GAA: variants seen among roughly 807,000 people sequenced by gnomAD.
GAA encodes the protein lysosomal alpha-glucosidase.
GAA carries 88 observed loss-of-function variants against 103.9 expected under a neutral mutation model. The ratio of observed to expected loss-of-function variants is 0.85; its 90% confidence interval spans 0.71 to 1.01. GAA has a LOEUF of 1.01. GAA is among the 50% of genes least tolerant of loss of function. The pLI is 0.00. For missense variants in GAA, 1,350 were observed against 1,305.3 expected (o/e 1.03, Z -0.53); for synonymous variants, 572 against 563.1 (o/e 1.02, Z -0.22).
chr17:80,108,209 C>T (rs1034947613), intron 5 of GAA, 81 bp from the exon 6 acceptor site: 43 of 1,609,536 alleles, frequency 2.7e-5, no homozygotes, highest in Non-Finnish European at 3.5e-5. Flanking sequence ...AACTCTCCGC[C>T]TGTGATTGGC....
At position 80,108,496 on chromosome 17, in the gene GAA, G is replaced by A. The variant is rs781379047; in HGVS notation, c.1083G>A (p.Pro361=). The A allele has an allele frequency of 5.6e-5, 90 of 1,612,952 alleles. No homozygotes were observed. Among genetic ancestry groups the A allele is most frequent in the Middle Eastern group, 1.6e-4 (1 of 6,082 alleles). The part of the protein sequence containing the change: ...VQQYLDVVGY[P]FMPPYWGLGF... ...GTCGGCGTTGGCCTGCAGGATACCC[G>A]TTCATGCCGCCATACTGGGGCCTGG... Residue 361 remains proline, a synonymous_variant, in exon 7 of 20, where the codon CCG becomes CCA. Coordinates refer to ENST00000302262, the MANE Select transcript of GAA (RefSeq NM_000152.5).
chr17:80,116,101 C>T (rs1271199805), intron 15 of GAA, among the ~76,000 whole-genome samples: 1 of 152,168 alleles, frequency 6.6e-6, no homozygotes, highest in Non-Finnish European at 1.5e-5. Context: ...CTTACTCCAC[C>T]ATCTTCACTG....
chr17:80,111,207 G>C (rs1286122578), intron 11 of GAA, among the ~76,000 whole-genome samples, 182 bp downstream of exon 11: 2 of 152,230 alleles, frequency 1.3e-5, no homozygotes, highest in African/African-American at 4.8e-5. Context: ...CAGACAGGGT[G>C]GGTGCAGAGG....
intron 8 of GAA, 37 bp downstream of exon 8, chr17:80,108,865 G>A: frequency 6.4e-7 from 1 of 1,555,396 alleles, no homozygotes; most frequent in Non-Finnish European, 8.7e-7. Flanking sequence ...TGGGAAGGGG[G>A]CCGCCCGGTG....
intron 12 of GAA, chr17:80,112,370 T>C (rs1567834639): frequency 1.5e-6 from 1 of 667,856 alleles, no homozygotes; most frequent in African/African-American, 1.8e-5. Flanking sequence ...CCTGTGAGGC[T>C]GGGGGGGGTC....
chr17:80,103,728 C>T (rs547213860), intron 1 of GAA, among the ~76,000 whole-genome samples: 11 of 152,260 alleles, frequency 7.2e-5, no homozygotes, highest in Non-Finnish European at 1.3e-4. Context: ...CCCCATGTAC[C>T]TCGGGGGCCG....
intron 19 of GAA, 111 bp from the exon 20 acceptor site, chr17:80,119,161 G>T: frequency 9.1e-7 from 1 of 1,095,022 alleles, no homozygotes; most frequent in Admixed American, 1.7e-5. Context: ...CCTGAGCGCC[G>T]GGCCTCGCTG....
rs545834363 is a variant in GAA, at chr17:80,119,543, G to A, written c.*212G>A. On this transcript the variant is annotated 3_prime_UTR_variant, in exon 20 of 20. Coordinates refer to ENST00000302262, the MANE Select transcript of GAA (RefSeq NM_000152.5). ...TCTAGGAGAGCTTTCTCCCTAGATCGCACTGTGGGCCGGGGCCCTGGAGGG... is the reference window on the plus strand; with the variant it reads ...TCTAGGAGAGCTTTCTCCCTAGATCACACTGTGGGCCGGGGCCCTGGAGGG... 9.1e-5 allele frequency: 54 copies of A among 593,774 alleles called. No individual in the cohort carries two copies. In the East Asian group the frequency reaches 1.2e-3, roughly 13 times the overall value. The allele number at this position is 593,774 out of a possible 1,614,324, so 36.8% of individuals were successfully genotyped here.
At chr17:80,113,191 C>T (rs771132729) in intron 14 of GAA, 27 bp from the exon 15 acceptor site, 2 of 1,576,772 alleles carry the variant, frequency 1.3e-6, no homozygotes, top group Non-Finnish European at 1.7e-6. Flanking sequence ...CACCCAAGTG[C>T]TTCCTTTGCC....
At chr17:80,110,077 CG>C in intron 9 of GAA, 22 bp downstream of exon 9, 1 of 1,596,442 alleles carries the variant, frequency 6.3e-7, no homozygotes, top group South Asian at 1.1e-5. Flanking sequence ...GTCCAGGGGA[CG>C]GGGGTTAGAA....
At chr17:80,113,061 A>G in intron 14 of GAA, 34 bp downstream of exon 14, 1 of 1,582,930 alleles carries the variant, frequency 6.3e-7, no homozygotes, top group Non-Finnish European at 8.6e-7. Context: ...CAGGTGGGCG[A>G]TCCCACCCAC....
At chr17:80,103,148 C>G (rs1427002764) in intron 1 of GAA, among the ~76,000 whole-genome samples, 1 of 152,212 alleles carries the variant, frequency 6.6e-6, no homozygotes, top group Non-Finnish European at 1.5e-5. Flanking sequence ...CCCTCGGGCC[C>G]TGAGTTCACT....
Position 80,112,071 on chromosome 17 carries a change from C to A in GAA, c.1725C>A (p.Tyr575Ter), listed in dbSNP as rs112517802. The change falls in exon 12 of 20, where the codon TAC becomes TAA. Residue 575 changes from tyrosine (Y) to a stop codon, truncating the protein, a stop_gained. Transcript: ENST00000302262. LOFTEE classifies it high-confidence loss of function. ...LSTHYNLHNL[Y>*]GLTEAIASHR... is the part of the protein sequence containing the mutation. ...CACACTACAACCTGCACAACCTCTA[C>A]GGCCTGACCGAAGCCATCGCCTCCC... 11 of 1,614,032 alleles carry A rather than the reference C, an allele frequency of 6.8e-6. No homozygotes were observed.
rs772735040 is a variant in GAA, at chr17:80,107,744, G to A, written c.858+22G>A. 112 of 1,610,206 alleles carry A rather than the reference G, an allele frequency of 7.0e-5. No homozygotes were observed. The East Asian group carries it at 9.1e-4, about 13-fold the overall frequency. On this transcript the variant is annotated intron_variant, in intron 4 of 19. Transcript: ENST00000302262. Reference sequence around the variant, plus strand: ...CACGGTACAGCGGCGGGCGGCGGGCGGGGGCACTGAGCTGGGGAGCGCAGG... The same window carrying A: ...CACGGTACAGCGGCGGGCGGCGGGCAGGGGCACTGAGCTGGGGAGCGCAGG...
rs111832449 is a variant in GAA at position 80,108,556 on chromosome 17, C to T, written c.1143C>T (p.Thr381=). Residue 381 remains threonine (T), a synonymous_variant, in exon 7 of 20, where the codon ACC becomes ACT. Transcript: ENST00000302262. ...TGTGCCGCTGGGGCTACTCCTCCAC[C>T]GCTATCACCCGCCAGGTGGTGGAGA... The part of the protein sequence containing the change: ...FHLCRWGYSS[T]AITRQVVENM... The T allele has an allele frequency of 3.0e-5, 48 of 1,612,654 alleles. No homozygotes were observed. The highest frequency in any genetic ancestry group is 1.5e-4 in the Admixed American group (9 of 59,950).
chr17:80,107,988 G>C (rs946745122), intron 5 of GAA, 92 bp downstream of exon 5: 1 of 1,251,272 alleles, frequency 8.0e-7, no homozygotes. Context: ...CCCTGGGCAC[G>C]GTGCTGGGCC....
At chr17:80,103,878 G>C in intron 1 of GAA, among the ~76,000 whole-genome samples, 1 of 152,214 alleles carries the variant, frequency 6.6e-6, no homozygotes, top group East Asian at 1.9e-4. Flanking sequence ...AATAGGAAAG[G>C]GAGCAAGGAA....
At chr17:80,106,717 A>G (rs1428463841) in intron 3 of GAA, among the ~76,000 whole-genome samples, 1 of 152,222 alleles carries the variant, frequency 6.6e-6, no homozygotes, top group African/African-American at 2.4e-5. Context: ...CAGGAGTTCA[A>G]GACCATCCTG....
chr17:80,115,572 G>A (rs1051224904), intron 15 of GAA, among the ~76,000 whole-genome samples: 2 of 152,122 alleles, frequency 1.3e-5, no homozygotes, highest in African/African-American at 4.8e-5. Flanking sequence ...CAATGTCTGG[G>A]CTTCTCTAGG....
Sources: allele counts gnomAD v4.1 joint callset (sites outside exome capture counted in the v4.1 genomes callset), GRCh38; gene constraint gnomAD v4.1.1; transcripts MANE v1.5; gene names NCBI Gene and HGNC (gene_info 2026-07-23, HGNC 2026-07-21).